The following PKIB variants were observed in gnomAD, a reference collection of about 807,000 sequenced individuals.
PKIB encodes cAMP-dependent protein kinase inhibitor beta.
Under a neutral mutation model 4.5 loss-of-function variants are expected in PKIB, and 2 were observed. The ratio of observed to expected loss-of-function variants is 0.44; its 90% CI spans 0.18 to 1.39. The LOEUF (loss-of-function observed/expected upper bound fraction) is 1.39, where lower values mean the gene tolerates loss of function less well. Among genes scored for constraint, PKIB ranks in the 40% most tolerant of loss-of-function variants. PKIB has a pLI of 0.27. For synonymous variants in PKIB, 38 were observed against 36.0 expected (o/e 1.06, Z -0.20); for missense variants, 94 against 92.6 (o/e 1.02, Z -0.06).
chr6:122,560,433 G>C (rs1194977072), intron 2 of PKIB, among the ~76,000 whole-genome samples: 1 of 151,416 alleles, frequency 6.6e-6, no homozygotes, highest in Non-Finnish European at 1.5e-5. Flanking sequence ...ATATGTTGTT[G>C]GTTAGCTAAT....
In PKIB at chr6:122,481,658, C is replaced by A. The variant is rs143757564; in HGVS notation, c.-248+3719C>A. The A allele has an allele frequency of 4.1e-4, 62 of 152,098 alleles. 1 individual carries two copies. The highest frequency in any genetic ancestry group is 1.3e-3 in the African/African-American group (54 of 41,520). 9.4% of individuals were successfully genotyped at this position (152,098 alleles called of 1,614,324 possible). A position where few individuals can be genotyped will look rare whatever the true frequency, so the allele number is the denominator to read the frequency against. On this transcript the variant is annotated intron_variant, in intron 2 of 6. Transcript: ENST00000392491. ...ATTTATTCTCAAACGGTTTACAAAA[C>A]AGTATGTATGTGTGTGTGTGTTTGT... is the stretch of plus-strand genomic sequence containing the variant.
intron 2 of PKIB, among the ~76,000 whole-genome samples, chr6:122,512,156 C>CT (rs1298359851): frequency 2.0e-5 from 3 of 152,128 alleles, no homozygotes; most frequent in African/African-American, 7.2e-5. Context: ...GAGGACTAAA[C>CT]TTTTAATTCA....
chr6:122,643,513 G>A lies in PKIB; in HGVS notation c.-76+10146G>A, dbSNP rs144923552. 149 of 151,576 alleles carry A rather than the reference G, an allele frequency of 9.8e-4. 1 individual carries two copies. The Middle Eastern group carries it at 0.014, about 14-fold the overall frequency. 9.4% of individuals were successfully genotyped at this position (151,576 alleles called of 1,614,324 possible). ...GTATAAGTTAAGTGATACGTTACAAGTAAAGATCTCTCATGTGTTAAGTTT... is the reference window on the plus strand; with the variant it reads ...GTATAAGTTAAGTGATACGTTACAAATAAAGATCTCTCATGTGTTAAGTTT... On this transcript the variant is annotated intron_variant, in intron 2 of 4. Coordinates refer to ENST00000368452, the MANE Select transcript of PKIB (RefSeq NM_181795.3).
At chr6:122,678,498 T>C (rs569512392) in intron 3 of PKIB, among the ~76,000 whole-genome samples, 2 of 152,302 alleles carry the variant, frequency 1.3e-5, no homozygotes, top group East Asian at 3.9e-4. Context: ...AATAGTTGCA[T>C]CTTTCTGTTT....
intron 3 of PKIB, among the ~76,000 whole-genome samples, chr6:122,586,682 G>C (rs1037897280): frequency 2.6e-5 from 4 of 151,972 alleles, no homozygotes; most frequent in Middle Eastern, 3.4e-3. Flanking sequence ...TCTTTATTTC[G>C]CATGTGTGTG....
chr6:122,580,235 G>A (rs893961345), intron 2 of PKIB, among the ~76,000 whole-genome samples: 2 of 152,044 alleles, frequency 1.3e-5, no homozygotes, highest in African/African-American at 4.8e-5. Flanking sequence ...AATGTTTCAC[G>A]TGGAGTCTAA....
At chr6:122,642,572 A>G (rs1277737671) in intron 2 of PKIB, among the ~76,000 whole-genome samples, 3 of 151,862 alleles carry the variant, frequency 2.0e-5, no homozygotes, top group Non-Finnish European at 2.9e-5. Context: ...CCCTCTTCTC[A>G]CTCTATCCCA....
chr6:122,707,857 T>C (rs1779124217), intron 3 of PKIB, among the ~76,000 whole-genome samples: 1 of 152,196 alleles, frequency 6.6e-6, no homozygotes, highest in Non-Finnish European at 1.5e-5. Flanking sequence ...ACAACAGCAC[T>C]GTTACTGGAT....
intron 3 of PKIB, among the ~76,000 whole-genome samples, chr6:122,702,852 A>C (rs1473337798): frequency 6.6e-6 from 1 of 152,212 alleles, no homozygotes; most frequent in African/African-American, 2.4e-5. Flanking sequence ...TATATGATAT[A>C]GTATAGGTCT....
At chr6:122,676,379 G>T (rs144549137) in intron 3 of PKIB, among the ~76,000 whole-genome samples, 1 of 152,084 alleles carries the variant, frequency 6.6e-6, no homozygotes, top group African/African-American at 2.4e-5. Context: ...CTCACCTCCC[G>T]CTGTGTGGCC....
intron 2 of PKIB, among the ~76,000 whole-genome samples, chr6:122,485,503 A>T (rs957986891): frequency 6.6e-6 from 1 of 152,202 alleles, no homozygotes; most frequent in East Asian, 1.9e-4. Flanking sequence ...GGTAAAAACA[A>T]CATTAAATTT....
intron 2 of PKIB, among the ~76,000 whole-genome samples, chr6:122,648,143 A>G (rs1200572182): frequency 6.6e-6 from 1 of 152,194 alleles, no homozygotes; most frequent in Non-Finnish European, 1.5e-5. Flanking sequence ...GCCCAAAGTG[A>G]CTGGTGGCAG....
At chr6:122,699,662 A>G (rs907009179) in intron 3 of PKIB, among the ~76,000 whole-genome samples, 8 of 152,206 alleles carry the variant, frequency 5.3e-5, no homozygotes, top group Non-Finnish European at 1.2e-4. Flanking sequence ...ACTTTGAGCC[A>G]TGTTAATAAT....
chr6:122,653,259 T>G (rs978957768), intron 2 of PKIB, among the ~76,000 whole-genome samples: 7 of 152,206 alleles, frequency 4.6e-5, no homozygotes, highest in Admixed American at 3.3e-4. Context: ...AAGGAGCACA[T>G]TCCTGGGTGA....
chr6:122,662,452 AT>A (rs1777046507), intron 2 of PKIB, among the ~76,000 whole-genome samples: 1 of 149,628 alleles, frequency 6.7e-6, no homozygotes, highest in African/African-American at 2.5e-5. Context: ...AGTAGCTGCG[AT>A]TATAGGCATG....
chr6:122,658,530 T>C (rs1330433731), intron 2 of PKIB, among the ~76,000 whole-genome samples: 1 of 152,162 alleles, frequency 6.6e-6, no homozygotes, highest in African/African-American at 2.4e-5. Flanking sequence ...ATTTATACTC[T>C]TATTTTTTGT....
chr6:122,498,339 G>C (rs1169834878), intron 2 of PKIB, among the ~76,000 whole-genome samples: 1 of 148,370 alleles, frequency 6.7e-6, no homozygotes, highest in Admixed American at 6.6e-5. Context: ...TCACTATCAG[G>C]AGGACAGTGC....
Position 122,504,052 on chromosome 6 carries a change from G to C in PKIB, c.-248+26113G>C, listed in dbSNP as rs75729852. Among the ~76,000 whole-genome samples the C allele has an allele frequency of 2.2e-3, 338 of 152,278 alleles. 8 individuals carry two copies. The East Asian group carries it at 0.044, about 20-fold the overall frequency. The stretch of plus-strand genomic sequence containing the variant: ...ACATATCCTTCAGAAATATGCTAAT[G>C]AGAGATATATTCATATGCATTTTTT... On this transcript the variant is annotated intron_variant, in intron 2 of 6. Coordinates refer to the PKIB transcript ENST00000392491.
intron 2 of PKIB, among the ~76,000 whole-genome samples, chr6:122,571,591 A>G (rs781155618): frequency 2.6e-5 from 4 of 152,232 alleles, no homozygotes; most frequent in Admixed American, 1.3e-4. Context: ...TTGGGGTCCT[A>G]TCTTTACCCT....
Sources: gnomAD v4.1 joint callset for allele counts (sites outside exome capture counted in the v4.1 genomes callset) on GRCh38, gnomAD v4.1.1 for gene constraint, MANE v1.5 for transcripts, NCBI Gene and HGNC (gene_info 2026-07-23, HGNC 2026-07-21) for gene names.